Variants in SERPINB11 observed in about 807,000 individuals in gnomAD.
The protein encoded by SERPINB11 is serpin B11.
Under a neutral mutation model 36.7 loss-of-function variants are expected in SERPINB11, and 32 were observed. That is an observed-to-expected ratio of 0.87 (90% CI 0.66 to 1.17). The LOEUF (loss-of-function observed/expected upper bound fraction) is 1.17. Among genes scored for constraint, SERPINB11 ranks in the 50% most tolerant of loss-of-function variants. The pLI is 0.00. For synonymous variants in SERPINB11, 174 were observed against 168.1 expected (o/e 1.04, Z -0.27); for missense variants, 528 against 458.4 (o/e 1.15, Z -1.39).
At chr18:63,713,551 C>G (rs1049645493) in intron 4 of SERPINB11, among the ~76,000 whole-genome samples, 1 of 152,116 alleles carries the variant, frequency 6.6e-6, no homozygotes, top group African/African-American at 2.4e-5. Flanking sequence ...TCTTCCCTGG[C>G]CTGGTAGATC....
chr18:63,710,729 TA>T (rs1166458887), intron 2 of SERPINB11, among the ~76,000 whole-genome samples: 4 of 152,166 alleles, frequency 2.6e-5, no homozygotes, highest in Non-Finnish European at 5.9e-5. Flanking sequence ...ATTACCAAGT[TA>T]AAAAATTTTC....
intron 7 of SERPINB11, among the ~76,000 whole-genome samples, chr18:63,721,498 C>T (rs1914812333): frequency 1.3e-5 from 2 of 152,206 alleles, no homozygotes; most frequent in African/African-American, 4.8e-5. Flanking sequence ...TCCCCAGCTG[C>T]AGCCAAAGCT....
intron 3 of SERPINB11, 88 bp from the exon 4 acceptor site, chr18:63,712,477 A>G: frequency 6.4e-6 from 9 of 1,412,514 alleles, no homozygotes; most frequent in Non-Finnish European, 8.9e-6. Flanking sequence ...ATTCAGAGGC[A>G]AACACCTTGC....
At chr18:63,718,713 A>G (rs1409638409) in intron 5 of SERPINB11, among the ~76,000 whole-genome samples, 8 of 152,088 alleles carry the variant, frequency 5.3e-5, no homozygotes. Flanking sequence ...TTCTCCCATT[A>G]TATCACTTAA....
upstream of SERPINB11, among the ~76,000 whole-genome samples, chr18:63,702,552 C>A (rs1359238767): frequency 6.6e-6 from 1 of 152,174 alleles, no homozygotes; most frequent in African/African-American, 2.4e-5. Flanking sequence ...GATCACACCA[C>A]TGCACTCCAG....
At chr18:63,717,065 C>T (rs1397054212) in intron 5 of SERPINB11, among the ~76,000 whole-genome samples, 1 of 151,928 alleles carries the variant, frequency 6.6e-6, no homozygotes, top group Non-Finnish European at 1.5e-5. Flanking sequence ...CCTTTTTTCC[C>T]AAATGTTAAG....
At chr18:63,708,991 A>C (rs1914443768) in intron 1 of SERPINB11, among the ~76,000 whole-genome samples, 1 of 152,212 alleles carries the variant, frequency 6.6e-6, no homozygotes, top group Non-Finnish European at 1.5e-5. Context: ...AGGCTCCTGA[A>C]GAATGACGTC....
chr18:63,715,488 T>C (rs774557810), intron 4 of SERPINB11, among the ~76,000 whole-genome samples: 35 of 152,218 alleles, frequency 2.3e-4, no homozygotes, highest in Non-Finnish European at 1.5e-4. Context: ...ATTCTTAAGA[T>C]ATTTTTGTTC....
intron 6 of SERPINB11, 40 bp downstream of exon 6, chr18:63,720,195 G>T (rs759922141): frequency 1.4e-5 from 22 of 1,534,058 alleles, no homozygotes; most frequent in Non-Finnish European, 1.6e-5. Context: ...AATGTTGGAG[G>T]ATACAATAAT....
intron 7 of SERPINB11, among the ~76,000 whole-genome samples, chr18:63,721,283 T>C (rs866633121): frequency 5.3e-5 from 8 of 152,350 alleles, no homozygotes; most frequent in Middle Eastern, 6.8e-3. Context: ...GGGACATCTT[T>C]CTATAGTAAT....
Position 63,710,310 on chromosome 18 carries a change from A to G in SERPINB11, c.117A>G (p.Leu39=). The G allele has an allele frequency of 1.2e-6, 2 of 1,613,740 alleles. No homozygotes were observed. Among genetic ancestry groups the G allele is most frequent in the Non-Finnish European group, 1.7e-6 (2 of 1,179,722 alleles). ...CTTCGCTGAGTCTGCTTTATGCTCTAAGCATGGTCCTCCTTGGTGCCAGGG... is the reference window on the plus strand; with the variant it reads ...CTTCGCTGAGTCTGCTTTATGCTCTGAGCATGGTCCTCCTTGGTGCCAGGG... ...FFSSLSLLYA[L]SMVLLGARGE... is the part of the protein sequence containing the mutation. The change falls in exon 2 of 8, where the codon CTA becomes CTG. Residue 39 remains leucine, a synonymous_variant. Coordinates refer to ENST00000544088, the MANE Select transcript of SERPINB11 (RefSeq NM_001370475.1).
intron 5 of SERPINB11, among the ~76,000 whole-genome samples, chr18:63,718,386 A>C (rs1914722427): frequency 6.6e-6 from 1 of 152,134 alleles, no homozygotes; most frequent in South Asian, 2.1e-4. Flanking sequence ...GAGAAAATAC[A>C]TCTTTATTCA....
At chr18:63,706,771 T>C (rs1170657419) in intron 1 of SERPINB11, among the ~76,000 whole-genome samples, 1 of 152,212 alleles carries the variant, frequency 6.6e-6, no homozygotes, top group Non-Finnish European at 1.5e-5. Flanking sequence ...AAAAGAAATC[T>C]CAAGCTAGGG....
intron 1 of SERPINB11, among the ~76,000 whole-genome samples, chr18:63,707,495 T>A (rs1305757911): frequency 1.3e-5 from 2 of 152,236 alleles, no homozygotes; most frequent in Non-Finnish European, 2.9e-5. Context: ...ATTTGTAATA[T>A]AAAATTTATC....
chr18:63,719,553 G>A (rs1914750926), intron 5 of SERPINB11, among the ~76,000 whole-genome samples: 1 of 152,026 alleles, frequency 6.6e-6, no homozygotes, highest in Non-Finnish European at 1.5e-5. Flanking sequence ...TTTACTTCAA[G>A]TGCTTTAGTA....
At chr18:63,702,683 T>C (rs943694976), upstream of SERPINB11, among the ~76,000 whole-genome samples, 4 of 152,148 alleles carry the variant, frequency 2.6e-5, no homozygotes, top group Non-Finnish European at 4.4e-5. Flanking sequence ...TATTTTTTAA[T>C]TTTTAAAATA....
At position 63,712,791 on chromosome 18, in the gene SERPINB11, A is replaced by G. The variant is rs530907667; in HGVS notation, c.357+98A>G. Reference sequence around the variant, plus strand: ...GAGTGAGAAGAGTCACATGACATTTATCATTAAGAGATTGACTTTGTGCTA... The same window carrying G: ...GAGTGAGAAGAGTCACATGACATTTGTCATTAAGAGATTGACTTTGTGCTA... On this transcript the variant is annotated intron_variant, in intron 4 of 7. Coordinates refer to ENST00000544088, the MANE Select transcript of SERPINB11 (RefSeq NM_001370475.1). 42 of 1,294,030 alleles carry G rather than the reference A, an allele frequency of 3.2e-5. No homozygotes were observed. In the East Asian group the frequency reaches 8.0e-4, roughly 25 times the overall value. The allele number at this position is 1,294,030 out of a possible 1,614,324, so 80.2% of individuals were successfully genotyped here.
intron 1 of SERPINB11, among the ~76,000 whole-genome samples, chr18:63,709,827 A>G (rs2144533952): frequency 6.6e-6 from 1 of 152,264 alleles, no homozygotes; most frequent in East Asian, 1.9e-4. Flanking sequence ...CACAAATTCC[A>G]GGATGAGGAA....
Position 63,710,272 on chromosome 18 carries a change from A to G in SERPINB11, c.79A>G (p.Asn27Asp), listed in dbSNP as rs1423294556. 1 of 1,613,676 alleles carries G rather than the reference A, an allele frequency of 6.2e-7. No individual in the cohort carries two copies. Among genetic ancestry groups the G allele is most frequent in the Non-Finnish European group, 8.5e-7 (1 of 1,179,740 alleles). The part of the protein sequence containing the change: ...KELNSNNIGD[N>D]IFFSSLSLLY... Reference sequence around the variant, plus strand: ...GCTGAACAGTAACAACATAGGAGATAACATCTTCTTTTCTTCGCTGAGTCT... The same window carrying G: ...GCTGAACAGTAACAACATAGGAGATGACATCTTCTTTTCTTCGCTGAGTCT... Residue 27 changes from asparagine (N) to aspartate (D), a missense_variant, in exon 2 of 8, where the codon AAC (asparagine) becomes GAC (aspartate). Physicochemically the swap from Asn to Asp is conservative, Grantham distance 23 (BLOSUM62 1). Transcript: ENST00000544088.
Sources: gnomAD v4.1 joint callset for allele counts (sites outside exome capture counted in the v4.1 genomes callset) on GRCh38, gnomAD v4.1.1 for gene constraint, MANE v1.5 for transcripts, NCBI Gene and HGNC (gene_info 2026-07-23, HGNC 2026-07-21) for gene names.